The following RGS6 variants were observed in gnomAD, a reference collection of about 807,000 sequenced individuals.
The protein encoded by RGS6 is regulator of G protein signaling 6.
In RGS6, 30 loss-of-function variants were observed where a neutral mutation model predicts 78.5. The observed-to-expected ratio is 0.38, with a 90% confidence interval of 0.29 to 0.52. RGS6 has a LOEUF of 0.52. Ranked by LOEUF, RGS6 falls within the 20% of genes least tolerant of loss-of-function variation. RGS6 has a pLI of 0.85. For synonymous variants in RGS6, 206 were observed against 206.0 expected, an observed-to-expected ratio of 1.00 and a Z score of 0.00; for missense variants, 495 against 609.7, an observed-to-expected ratio of 0.81 and a Z score of 1.98.
chr14:72,567,884 T>A (rs2097715579), downstream of RGS6, among the ~76,000 whole-genome samples: 1 of 152,208 alleles, frequency 6.6e-6, no homozygotes, highest in Non-Finnish European at 1.5e-5. Context: ...TTCCGACACC[T>A]GCAGCTGGGC....
intron 2 of RGS6, among the ~76,000 whole-genome samples, chr14:71,989,449 G>A (rs1210180630): frequency 1.3e-5 from 2 of 152,176 alleles, no homozygotes; most frequent in South Asian, 2.1e-4. Context: ...TGATAATATC[G>A]ACTTCCATTT....
the RGS6 span, among the ~76,000 whole-genome samples, chr14:71,869,390 A>G: frequency 2.0e-5 from 3 of 152,208 alleles, no homozygotes; most frequent in Admixed American, 6.5e-5. Flanking sequence ...TGTGACTACC[A>G]TGACTGTGAT....
chr14:72,328,105 G>A (rs2074207186), intron 2 of RGS6, among the ~76,000 whole-genome samples: 1 of 152,086 alleles, frequency 6.6e-6, no homozygotes, highest in Admixed American at 6.5e-5. Flanking sequence ...GGATGTCCCA[G>A]GTCAAGGGAA....
chr14:72,423,674 G>A (rs1209228232), intron 3 of RGS6, among the ~76,000 whole-genome samples: 2 of 151,928 alleles, frequency 1.3e-5, no homozygotes, highest in Non-Finnish European at 2.9e-5. Flanking sequence ...CTACTAGAGG[G>A]GGTAGGGTGG....
chr14:72,417,054 C>A (rs137870679), intron 3 of RGS6, among the ~76,000 whole-genome samples: 1 of 152,186 alleles, frequency 6.6e-6, no homozygotes, highest in Admixed American at 6.5e-5. Flanking sequence ...CCACCACAGG[C>A]AGGTCAGTGG....
chr14:72,050,164 A>G (rs1388375503), intron 2 of RGS6, among the ~76,000 whole-genome samples: 2 of 152,190 alleles, frequency 1.3e-5, no homozygotes. Context: ...ATTCTGCATA[A>G]TTGATGGTAT....
At chr14:72,031,881 C>A (rs1596344545) in intron 2 of RGS6, among the ~76,000 whole-genome samples, 1 of 152,210 alleles carries the variant, frequency 6.6e-6, no homozygotes, top group South Asian at 2.1e-4. Context: ...CCAATAAATG[C>A]CTATGCCATA....
chr14:72,088,048 G>A (rs942328986), intron 2 of RGS6, among the ~76,000 whole-genome samples: 1 of 152,122 alleles, frequency 6.6e-6, no homozygotes, highest in Admixed American at 6.5e-5. Flanking sequence ...AGGAGTTTGC[G>A]CTTTGGGCTG....
intron 2 of RGS6, among the ~76,000 whole-genome samples, chr14:72,008,652 G>A (rs1014238999): frequency 1.3e-5 from 2 of 152,136 alleles, no homozygotes; most frequent in East Asian, 1.9e-4. Context: ...GATCCCTCAC[G>A]GTGGGGAAAG....
chr14:72,419,267 GT>G (rs1335863258), intron 3 of RGS6, among the ~76,000 whole-genome samples: 1 of 152,250 alleles, frequency 6.6e-6, no homozygotes, highest in African/African-American at 2.4e-5. Flanking sequence ...TTTTTCAAGT[GT>G]CTTACAAGTA....
intron 2 of RGS6, among the ~76,000 whole-genome samples, chr14:72,191,139 T>C (rs745364540): frequency 6.6e-6 from 1 of 152,206 alleles, no homozygotes; most frequent in Non-Finnish European, 1.5e-5. Flanking sequence ...TTAAAACCCT[T>C]TACAGCTTCC....
At chr14:72,585,243 C>T in the RGS6 span, among the ~76,000 whole-genome samples, 8 of 152,316 alleles carry the variant, frequency 5.3e-5, no homozygotes, top group South Asian at 1.7e-3. Context: ...AATCTCCCTC[C>T]CATTCACTCC....
Position 72,547,010 on chromosome 14 carries a change from G to A in RGS6, c.1422+6916G>A, listed in dbSNP as rs1032062869. ...GTCACTTGTGCAGTCAGACCCCAGT[G>A]CCATCCTCGTGCAGCCACATGGGAA... is the stretch of plus-strand genomic sequence containing the variant. On this transcript the variant is annotated intron_variant, in intron 17 of 17. Transcript: ENST00000553525. 8 of 648,764 alleles carry A rather than the reference G, an allele frequency of 1.2e-5. No homozygotes were observed. The African/African-American group carries it at 1.5e-4, about 12-fold the overall frequency. 40.2% of individuals were successfully genotyped at this position (648,764 alleles called of 1,614,324 possible).
chr14:72,465,482 T>G (rs1338906223), intron 6 of RGS6, among the ~76,000 whole-genome samples: 4 of 122,000 alleles, frequency 3.3e-5, no homozygotes, highest in African/African-American at 6.0e-5. Context: ...GCTCATGAGG[T>G]CCACTTAGAA....
chr14:72,155,989 T>TA (rs1598501948), intron 2 of RGS6, among the ~76,000 whole-genome samples: 1 of 152,206 alleles, frequency 6.6e-6, no homozygotes, highest in Non-Finnish European at 1.5e-5. Context: ...TGTAGACTTT[T>TA]AAAAAATACT....
intron 2 of RGS6, among the ~76,000 whole-genome samples, chr14:71,981,608 G>T (rs528083911): frequency 6.6e-6 from 1 of 151,802 alleles, no homozygotes; most frequent in Non-Finnish European, 1.5e-5. Context: ...GGGGGTCAGG[G>T]GTCAGGGACC....
intron 2 of RGS6, among the ~76,000 whole-genome samples, chr14:72,116,354 G>A (rs895429608): frequency 9.9e-5 from 15 of 152,180 alleles, no homozygotes; most frequent in Admixed American, 5.9e-4. Context: ...AGTGTCAGCC[G>A]TGAGGCTCTT....
At chr14:71,958,120 G>T (rs574810783) in intron 1 of RGS6, among the ~76,000 whole-genome samples, 1 of 152,054 alleles carries the variant, frequency 6.6e-6, no homozygotes, top group Non-Finnish European at 1.5e-5. Context: ...AAGTCTTAAG[G>T]TAGGATTGGA....
At chr14:72,032,101 T>C (rs1453298364) in intron 2 of RGS6, among the ~76,000 whole-genome samples, 2 of 152,324 alleles carry the variant, frequency 1.3e-5, no homozygotes, top group South Asian at 2.1e-4. Flanking sequence ...ACGCTATAAA[T>C]TTCATATAGA....
Sources: gnomAD v4.1 joint callset for allele counts (sites outside exome capture counted in the v4.1 genomes callset) on GRCh38, gnomAD v4.1.1 for gene constraint, MANE v1.5 for transcripts, NCBI Gene and HGNC (gene_info 2026-07-23, HGNC 2026-07-21) for gene names.